Variants in CYP7B1 observed in about 807,000 individuals in gnomAD.
The protein encoded by CYP7B1 is cytochrome P450 family 7 subfamily B member 1.
Under a neutral mutation model 42.7 loss-of-function variants are expected in CYP7B1, and 29 were observed. The observed-to-expected ratio is 0.68, with a 90% CI of 0.51 to 0.93. CYP7B1 has a LOEUF of 0.93. CYP7B1 is among the 40% of genes least tolerant of loss of function. CYP7B1 has a pLI of 0.00. For synonymous variants in CYP7B1, 235 were observed against 218.2 expected (o/e 1.08, Z -0.68); for missense variants, 655 against 600.5 (o/e 1.09, Z -0.95).
chr8:64,797,003 A>G (rs985284742), intron 1 of CYP7B1, among the ~76,000 whole-genome samples: 1 of 152,234 alleles, frequency 6.6e-6, no homozygotes, highest in African/African-American at 2.4e-5. Context: ...ACTGAAATGC[A>G]GTATAATCAA....
chr8:64,678,377 C>T (rs1360435160), intron 1 of CYP7B1, among the ~76,000 whole-genome samples: 1 of 152,096 alleles, frequency 6.6e-6, no homozygotes, highest in Non-Finnish European at 1.5e-5. Context: ...CTTGTGATCA[C>T]TAGGCTAGCT....
At chr8:64,669,127 T>TA (rs969090763) in intron 1 of CYP7B1, among the ~76,000 whole-genome samples, 13 of 151,910 alleles carry the variant, frequency 8.6e-5, no homozygotes, top group African/African-American at 3.1e-4. Context: ...GAAAATAAGT[T>TA]AAAAAAAATG....
chr8:64,720,593 T>C (rs1304429402), intron 1 of CYP7B1, among the ~76,000 whole-genome samples: 1 of 152,192 alleles, frequency 6.6e-6, no homozygotes, highest in Non-Finnish European at 1.5e-5. Flanking sequence ...TGTATATGCA[T>C]GCCATTAAGA....
intron 1 of CYP7B1, among the ~76,000 whole-genome samples, chr8:64,700,179 T>A (rs1806893126): frequency 6.6e-6 from 1 of 151,956 alleles, no homozygotes; most frequent in Non-Finnish European, 1.5e-5. Flanking sequence ...AAAAGAGCAA[T>A]CAAACATGAG....
chr8:64,658,922 C>T (rs1425798992), intron 1 of CYP7B1, among the ~76,000 whole-genome samples: 3 of 152,170 alleles, frequency 2.0e-5, no homozygotes, highest in Admixed American at 2.0e-4. Flanking sequence ...AAGGAAGCAA[C>T]ACAACTGCAC....
intron 1 of CYP7B1, among the ~76,000 whole-genome samples, chr8:64,680,106 G>A (rs1806513235): frequency 6.6e-6 from 1 of 151,708 alleles, no homozygotes; most frequent in Non-Finnish European, 1.5e-5. Context: ...TACTCTGCTT[G>A]TATGAGTCTG....
intron 1 of CYP7B1, among the ~76,000 whole-genome samples, chr8:64,716,621 C>G (rs969899010): frequency 6.6e-6 from 1 of 152,134 alleles, no homozygotes; most frequent in Admixed American, 6.5e-5. Flanking sequence ...GCCTGAGACT[C>G]GCTTGAACCC....
At chr8:64,666,436 AAG>A (rs1585842387) in intron 1 of CYP7B1, among the ~76,000 whole-genome samples, 1 of 152,216 alleles carries the variant, frequency 6.6e-6, no homozygotes, top group Non-Finnish European at 1.5e-5. Flanking sequence ...GGTTATGTGA[AAG>A]AGAGTAATAA....
At chr8:64,601,505 A>G (rs987383390) in intron 5 of CYP7B1, among the ~76,000 whole-genome samples, 1 of 152,160 alleles carries the variant, frequency 6.6e-6, no homozygotes, top group African/African-American at 2.4e-5. Context: ...CCGGTTCTGT[A>G]TCTTGCATTG....
chr8:64,654,286 CA>C (rs1191039161), intron 1 of CYP7B1, among the ~76,000 whole-genome samples: 1 of 152,146 alleles, frequency 6.6e-6, no homozygotes, highest in African/African-American at 2.4e-5. Flanking sequence ...AGTCTCAGCC[CA>C]AAAGCTCCTT....
chr8:64,740,351 A>G (rs546378538), intron 1 of CYP7B1, among the ~76,000 whole-genome samples: 29 of 152,150 alleles, frequency 1.9e-4, no homozygotes, highest in Non-Finnish European at 3.8e-4. Flanking sequence ...AGTCAATAAT[A>G]TATATATTTA....
intron 5 of CYP7B1, among the ~76,000 whole-genome samples, chr8:64,600,953 AC>A (rs1340668079): frequency 6.6e-6 from 1 of 152,200 alleles, no homozygotes; most frequent in East Asian, 1.9e-4. Context: ...TTTGTCACTC[AC>A]TATGCCCATC....
At chr8:64,736,924 C>T (rs894601796) in intron 1 of CYP7B1, among the ~76,000 whole-genome samples, 1 of 152,144 alleles carries the variant, frequency 6.6e-6, no homozygotes, top group African/African-American at 2.4e-5. Context: ...ACTGTAAAAT[C>T]TCTAAGGACA....
At chr8:64,685,123 T>C (rs1806600118) in intron 1 of CYP7B1, among the ~76,000 whole-genome samples, 2 of 152,202 alleles carry the variant, frequency 1.3e-5, no homozygotes, top group South Asian at 4.1e-4. Context: ...TGCAAACAAA[T>C]GTTAATATTA....
intron 1 of CYP7B1, among the ~76,000 whole-genome samples, chr8:64,717,405 T>A (rs1398930643): frequency 6.6e-6 from 1 of 152,240 alleles, no homozygotes; most frequent in East Asian, 1.9e-4. Flanking sequence ...TTACCATTCA[T>A]GAGTGCCATT....
At chr8:64,717,668 C>T (rs1807177928) in intron 1 of CYP7B1, among the ~76,000 whole-genome samples, 1 of 151,932 alleles carries the variant, frequency 6.6e-6, no homozygotes, top group African/African-American at 2.4e-5. Context: ...ACCTCAGCAA[C>T]ATGGCGTAAC....
intron 1 of CYP7B1, among the ~76,000 whole-genome samples, chr8:64,720,443 G>T (rs1164994268): frequency 1.3e-5 from 2 of 152,098 alleles, no homozygotes; most frequent in Admixed American, 1.3e-4. Context: ...ATTAGCTGAA[G>T]CAAATAATAA....
At chr8:64,763,827 G>T (rs912569193) in intron 1 of CYP7B1, among the ~76,000 whole-genome samples, 1 of 152,238 alleles carries the variant, frequency 6.6e-6, no homozygotes, top group Admixed American at 6.5e-5. Flanking sequence ...TCGCCCATGC[G>T]TGTGCCCCTA....
intron 1 of CYP7B1, among the ~76,000 whole-genome samples, chr8:64,704,433 A>T (rs1364706651): frequency 1.3e-5 from 2 of 151,990 alleles, no homozygotes; most frequent in Non-Finnish European, 2.9e-5. Context: ...TTTCCTAAGT[A>T]ACATCTCAAT....
Sources: gnomAD v4.1 joint callset for allele counts (sites outside exome capture counted in the v4.1 genomes callset) on GRCh38, gnomAD v4.1.1 for gene constraint, MANE v1.5 for transcripts, NCBI Gene and HGNC (gene_info 2026-07-23, HGNC 2026-07-21) for gene names.